GLIS3: variants seen among roughly 807,000 people sequenced by gnomAD.
The protein encoded by GLIS3 is zinc finger protein GLIS3.
A neutral mutation model predicts 78.6 loss-of-function variants in GLIS3; 53 were observed. The ratio of observed to expected loss-of-function variants is 0.67; its 90% CI spans 0.54 to 0.85. The LOEUF (loss-of-function observed/expected upper bound fraction) is 0.85, where lower values mean the gene tolerates loss of function less well. Among genes scored for constraint, GLIS3 ranks in the 40% least tolerant of loss-of-function variants. The probability of loss-of-function intolerance (pLI) is 0.00; values close to 1 mark genes in which losing one functional copy is unlikely to be tolerated. For synonymous variants in GLIS3, 684 were observed against 509.9 expected (o/e 1.34, Z -4.60); for missense variants, 1,703 against 1,231.1 (o/e 1.38, Z -5.74).
At chr9:4,109,246 A>G (rs560757553) in intron 4 of GLIS3, among the ~76,000 whole-genome samples, 18 of 152,332 alleles carry the variant, frequency 1.2e-4, no homozygotes, top group African/African-American at 4.3e-4. Context: ...TAACAGTACA[A>G]TACTTCACTC....
intron 2 of GLIS3, among the ~76,000 whole-genome samples, chr9:4,339,519 C>T (rs1817802269): frequency 6.6e-6 from 1 of 151,488 alleles, no homozygotes; most frequent in South Asian, 2.1e-4. Flanking sequence ...CGCCTAGAGG[C>T]CAAATAGGTG....
the GLIS3 span, among the ~76,000 whole-genome samples, chr9:4,465,769 A>T: frequency 6.6e-6 from 1 of 152,200 alleles, no homozygotes; most frequent in African/African-American, 2.4e-5. Flanking sequence ...TTTCAAAAAA[A>T]ATTATACCTC....
chr9:3,980,893 T>A (rs1819219412), intron 4 of GLIS3, among the ~76,000 whole-genome samples: 1 of 152,196 alleles, frequency 6.6e-6, no homozygotes, highest in Admixed American at 6.5e-5. Flanking sequence ...AATGCCAAAG[T>A]AGTGACACTT....
the GLIS3 span, among the ~76,000 whole-genome samples, chr9:4,408,688 C>T: frequency 7.8e-6 from 1 of 127,678 alleles, no homozygotes; most frequent in Admixed American, 8.4e-5. Flanking sequence ...GATCACGCCA[C>T]CGCACTCCAG....
intron 2 of GLIS3, among the ~76,000 whole-genome samples, chr9:4,176,614 A>G (rs186666805): frequency 1.1e-3 from 163 of 151,906 alleles, no homozygotes; most frequent in African/African-American, 3.5e-3. Context: ...TTCTTTCATC[A>G]TATTTCTTTT....
intron 4 of GLIS3, among the ~76,000 whole-genome samples, chr9:3,993,337 G>A (rs1820482426): frequency 6.6e-6 from 1 of 152,016 alleles, no homozygotes; most frequent in East Asian, 1.9e-4. Flanking sequence ...GAAATTCAGT[G>A]GAATTCAACT....
intron 2 of GLIS3, among the ~76,000 whole-genome samples, chr9:4,273,470 G>A (rs553300243): frequency 5.7e-4 from 87 of 152,196 alleles, no homozygotes; most frequent in African/African-American, 2.0e-3. Flanking sequence ...GCTAATGCCT[G>A]TGGTCCCCAC....
intron 6 of GLIS3, among the ~76,000 whole-genome samples, chr9:3,923,268 G>A (rs1203736181): frequency 6.6e-6 from 1 of 152,098 alleles, no homozygotes; most frequent in African/African-American, 2.4e-5. Flanking sequence ...CCTTAGCAGG[G>A]CACATAAGGC....
the GLIS3 span, among the ~76,000 whole-genome samples, chr9:4,482,613 A>G: frequency 6.6e-6 from 1 of 152,232 alleles, no homozygotes; most frequent in Non-Finnish European, 1.5e-5. Context: ...GAATACAACC[A>G]GGCAACTATT....
At chr9:4,189,621 G>T (rs1168682270) in intron 2 of GLIS3, among the ~76,000 whole-genome samples, 1 of 152,068 alleles carries the variant, frequency 6.6e-6, no homozygotes, top group Admixed American at 6.6e-5. Context: ...ATTATTGTGT[G>T]GGAGTCTAAG....
intron 2 of GLIS3, among the ~76,000 whole-genome samples, chr9:4,160,904 A>C (rs1835419668): frequency 6.6e-6 from 1 of 152,114 alleles, no homozygotes; most frequent in Non-Finnish European, 1.5e-5. Flanking sequence ...CGTATTGGTA[A>C]TCACTGCAGT....
chr9:4,350,773 G>A (rs953699691), upstream of GLIS3, among the ~76,000 whole-genome samples: 5 of 100,778 alleles, frequency 5.0e-5, no homozygotes, highest in African/African-American at 1.2e-4. Flanking sequence ...AAATGCCTTG[G>A]GGTAAAAAAC....
chr9:4,401,416 C>T, the GLIS3 span, among the ~76,000 whole-genome samples: 8 of 150,708 alleles, frequency 5.3e-5, no homozygotes, highest in African/African-American at 9.8e-5. Flanking sequence ...TAAGCCACCA[C>T]GCCCAGCTAA....
At chr9:4,372,657 C>T in the GLIS3 span, among the ~76,000 whole-genome samples, 9 of 152,140 alleles carry the variant, frequency 5.9e-5, no homozygotes, top group East Asian at 1.2e-3. Context: ...TCTTAGGGAC[C>T]GATGACCAAA....
the GLIS3 span, among the ~76,000 whole-genome samples, chr9:4,397,658 A>C: frequency 8.5e-6 from 1 of 118,006 alleles, no homozygotes; most frequent in Non-Finnish European, 1.6e-5. Context: ...GAAGAAAAGG[A>C]AGGAAGGAAG....
intron 4 of GLIS3, among the ~76,000 whole-genome samples, chr9:4,064,922 TG>T (rs1826966410): frequency 6.6e-6 from 1 of 152,160 alleles, no homozygotes; most frequent in South Asian, 2.1e-4. Context: ...CCCAGGGAGC[TG>T]TAAGTATTTG....
the GLIS3 span, among the ~76,000 whole-genome samples, chr9:4,374,569 C>T: frequency 6.6e-6 from 1 of 152,258 alleles, no homozygotes; most frequent in Non-Finnish European, 1.5e-5. Flanking sequence ...GTCTCTCTCA[C>T]ATCCCTTTCT....
chr9:3,910,983 G>T lies in GLIS3; in HGVS notation c.1984-12148C>A, dbSNP rs184768369. Among the ~76,000 whole-genome samples the T allele has an allele frequency of 1.8e-3, 269 of 152,298 alleles. 1 individual carries two copies. The highest frequency in any genetic ancestry group is 5.9e-3 in the African/African-American group (244 of 41,562). On this transcript the variant is annotated intron_variant, in intron 6 of 10. Transcript: ENST00000381971. ...CAAATATTAACAGAGTTAACCAGCT[G>T]TCTGACCAGGACAGAATAAATACAA...
upstream of GLIS3, among the ~76,000 whole-genome samples, chr9:4,351,100 C>G (rs1257169889): frequency 6.6e-6 from 1 of 152,130 alleles, no homozygotes; most frequent in Non-Finnish European, 1.5e-5. Flanking sequence ...TGGCCTGTTT[C>G]TTAGACCTTA....
Sources: allele counts gnomAD v4.1 joint callset (sites outside exome capture counted in the v4.1 genomes callset), GRCh38; gene constraint gnomAD v4.1.1; transcripts MANE v1.5; gene names NCBI Gene and HGNC (gene_info 2026-07-23, HGNC 2026-07-21).